FOXJ3: variants seen among roughly 807,000 people sequenced by gnomAD.
FOXJ3 encodes the protein forkhead box J3.
A neutral mutation model predicts 76.1 loss-of-function variants in FOXJ3; 22 were observed. The observed-to-expected ratio is 0.29, with a 90% confidence interval of 0.21 to 0.41. FOXJ3 has a LOEUF of 0.41. Among genes scored for constraint, FOXJ3 ranks in the 10% least tolerant of loss-of-function variants. The probability of loss-of-function intolerance (pLI) is 1.00; values close to 1 mark genes in which losing one functional copy is unlikely to be tolerated. For synonymous variants in FOXJ3, 269 were observed against 261.2 expected (o/e 1.03, Z -0.29); for missense variants, 613 against 762.1 (o/e 0.80, Z 2.30).
intron 1 of FOXJ3, among the ~76,000 whole-genome samples, chr1:42,320,605 G>A (rs1486934583): frequency 6.6e-6 from 1 of 151,922 alleles, no homozygotes; most frequent in Non-Finnish European, 1.5e-5. Flanking sequence ...TATGTTTAAA[G>A]GTATATGAAA....
chr1:42,225,107 CT>C (rs1254745161), intron 5 of FOXJ3, among the ~76,000 whole-genome samples: 1 of 151,700 alleles, frequency 6.6e-6, no homozygotes, highest in African/African-American at 2.4e-5. Flanking sequence ...AGAAAGCCTT[CT>C]CTGTTCCATC....
intron 5 of FOXJ3, among the ~76,000 whole-genome samples, chr1:42,211,523 G>C (rs752807471): frequency 6.6e-6 from 1 of 151,160 alleles, no homozygotes; most frequent in African/African-American, 2.4e-5. Context: ...CCAAGGCTGG[G>C]AACTTTGCCC....
intron 2 of FOXJ3, among the ~76,000 whole-genome samples, chr1:42,305,727 G>C (rs1043722878): frequency 6.6e-6 from 1 of 152,184 alleles, no homozygotes; most frequent in African/African-American, 2.4e-5. Flanking sequence ...GGTAAGCGGG[G>C]TATCAGGGAG....
At chr1:42,300,836 C>G (rs1049968746) in intron 2 of FOXJ3, among the ~76,000 whole-genome samples, 2 of 152,108 alleles carry the variant, frequency 1.3e-5, no homozygotes, top group Non-Finnish European at 2.9e-5. Context: ...AAAATAGGCC[C>G]CCAATCTCTT....
chr1:42,189,049 A>G (rs1292250003), intron 10 of FOXJ3, 121 bp from the exon 11 acceptor site: 12 of 644,750 alleles, frequency 1.9e-5, no homozygotes, highest in Non-Finnish European at 2.9e-5. Flanking sequence ...TATGGTAGTG[A>G]TTTATCCACG....
At chr1:42,260,696 C>T (rs1179664763) in intron 4 of FOXJ3, among the ~76,000 whole-genome samples, 2 of 152,124 alleles carry the variant, frequency 1.3e-5, no homozygotes, top group Non-Finnish European at 2.9e-5. Context: ...AAAAAAATCA[C>T]AATCCTGTAA....
chr1:42,232,390 T>C (rs1055888325), intron 4 of FOXJ3, among the ~76,000 whole-genome samples: 6 of 149,426 alleles, frequency 4.0e-5, no homozygotes, highest in African/African-American at 1.2e-4. Context: ...TCCACAATGG[T>C]TGAACTAGTT....
intron 4 of FOXJ3, among the ~76,000 whole-genome samples, chr1:42,254,278 C>T (rs1380840569): frequency 6.7e-6 from 1 of 148,460 alleles, no homozygotes; most frequent in Non-Finnish European, 1.5e-5. Flanking sequence ...CCATCTCACA[C>T]CAGTTAGAAT....
At chr1:42,237,401 CATACAT>C (rs1239776635) in intron 4 of FOXJ3, among the ~76,000 whole-genome samples, 21 of 46,866 alleles carry the variant, frequency 4.5e-4, no homozygotes, top group South Asian at 4.1e-3. Context: ...TACATACATA[CATACAT>C]ATATATATAT....
chr1:42,309,013 A>AAAAAAAAT (rs1323077251), intron 2 of FOXJ3, among the ~76,000 whole-genome samples: 1 of 151,732 alleles, frequency 6.6e-6, no homozygotes, highest in African/African-American at 2.4e-5. Context: ...AAAAAAAAAA[A>AAAAAAAAT]AAAAATGCTT....
chr1:42,218,923 T>C (rs1647124906), intron 5 of FOXJ3, among the ~76,000 whole-genome samples: 1 of 152,196 alleles, frequency 6.6e-6, no homozygotes, highest in Non-Finnish European at 1.5e-5. Flanking sequence ...CCCTTGCACT[T>C]GCAGGACAGC....
chr1:42,311,180 T>G, intron 1 of FOXJ3, 70 bp from the exon 2 acceptor site: 3 of 1,001,986 alleles, frequency 3.0e-6, no homozygotes, highest in Non-Finnish European at 4.5e-6. Flanking sequence ...CACTTTAGAT[T>G]TAATTTAAAA....
intron 4 of FOXJ3, among the ~76,000 whole-genome samples, chr1:42,254,827 G>C (rs1570065868): frequency 7.2e-6 from 1 of 138,786 alleles, no homozygotes; most frequent in Non-Finnish European, 1.5e-5. Flanking sequence ...GGTGGGGGGA[G>C]GGGGGAGGGA....
At chr1:42,267,294 G>T (rs1310910232) in intron 3 of FOXJ3, among the ~76,000 whole-genome samples, 1 of 152,036 alleles carries the variant, frequency 6.6e-6, no homozygotes, top group East Asian at 1.9e-4. Context: ...AAGGTGGGCA[G>T]AGACAACTAA....
intron 1 of FOXJ3, among the ~76,000 whole-genome samples, chr1:42,316,787 A>C (rs899430718): frequency 6.6e-6 from 1 of 152,186 alleles, no homozygotes; most frequent in Non-Finnish European, 1.5e-5. Context: ...TGGAAAACCA[A>C]ACGATGTATG....
chr1:42,322,364 G>A (rs1008341281), intron 1 of FOXJ3, among the ~76,000 whole-genome samples: 1 of 151,218 alleles, frequency 6.6e-6, no homozygotes, highest in African/African-American at 2.4e-5. Flanking sequence ...ATGATGGCAT[G>A]GGTAATATAA....
chr1:42,224,941 G>C (rs1569938903), intron 5 of FOXJ3, among the ~76,000 whole-genome samples: 1 of 151,784 alleles, frequency 6.6e-6, no homozygotes, highest in African/African-American at 2.4e-5. Flanking sequence ...TTTAAAATTA[G>C]CTGGGCGTGG....
intron 2 of FOXJ3, among the ~76,000 whole-genome samples, chr1:42,294,535 G>A (rs1223994419): frequency 6.6e-6 from 1 of 152,168 alleles, no homozygotes; most frequent in East Asian, 1.9e-4. Context: ...GAGGAAGGCA[G>A]ATCATCTGGG....
intron 4 of FOXJ3, among the ~76,000 whole-genome samples, chr1:42,258,891 A>G (rs905239619): frequency 6.6e-6 from 1 of 152,188 alleles, no homozygotes; most frequent in Non-Finnish European, 1.5e-5. Context: ...ATCCACTCAC[A>G]AGGCAGCTTA....
Sources: gnomAD v4.1 joint callset for allele counts (sites outside exome capture counted in the v4.1 genomes callset) on GRCh38, gnomAD v4.1.1 for gene constraint, MANE v1.5 for transcripts, NCBI Gene and HGNC (gene_info 2026-07-23, HGNC 2026-07-21) for gene names.